PLD5: variants seen among roughly 807,000 people sequenced by gnomAD.
PLD5 encodes the protein phospholipase D family member 5, also known as inactive phospholipase D5.
A neutral mutation model predicts 61.1 loss-of-function variants in PLD5; 36 were observed. That is an observed-to-expected ratio of 0.59 (90% CI 0.45 to 0.78). PLD5 has a LOEUF of 0.78. Ranked by LOEUF, PLD5 falls within the 30% of genes least tolerant of loss-of-function variation. The probability of loss-of-function intolerance (pLI) is 0.00; values close to 1 mark genes in which losing one functional copy is unlikely to be tolerated. For missense variants in PLD5, 515 were observed against 644.4 expected (o/e 0.80, Z 2.17); for synonymous variants, 243 against 242.8 (o/e 1.00, Z -0.01).
intron 4 of PLD5, among the ~76,000 whole-genome samples, chr1:242,264,657 C>A (rs1357538234): frequency 2.0e-5 from 3 of 152,170 alleles, no homozygotes. Flanking sequence ...GCAGCTTGAA[C>A]ATTTTCACTG....
At chr1:242,204,429 GGGACAGTAA>G in intron 5 of PLD5, among the ~76,000 whole-genome samples, 1 of 152,052 alleles carries the variant, frequency 6.6e-6, no homozygotes, top group Non-Finnish European at 1.5e-5. Context: ...CCCCTTGACC[GGGACAGTAA>G]CCAAGGCGTT....
chr1:242,256,519 G>C lies in PLD5; in HGVS notation c.607+8818C>G, dbSNP rs1673024791. ...GAAAGGAACAAACTTAGATTCTTTT[G>C]TGCCCTTCTGTCTTATCCGCCACGT... On this transcript the variant is annotated intron_variant, in intron 4 of 9. Transcript: ENST00000536534. This position sits in a 1 kb window ranked among gnomAD's most constrained non-coding sequence, Gnocchi z 5.7. 6.6e-6 allele frequency among the ~76,000 whole-genome samples: 1 copy of C among 152,144 alleles called. No individual in the cohort carries two copies. Among genetic ancestry groups the C allele is most frequent in the Non-Finnish European group, 1.5e-5 (1 of 68,040 alleles).
At chr1:242,343,703 C>T (rs1286024711) in intron 2 of PLD5, among the ~76,000 whole-genome samples, 2 of 151,292 alleles carry the variant, frequency 1.3e-5, no homozygotes, top group Admixed American at 1.3e-4. Flanking sequence ...TGAGGCTGCC[C>T]TGAGGACAAG....
intron 5 of PLD5, among the ~76,000 whole-genome samples, chr1:242,161,299 C>T (rs1322398141): frequency 6.6e-6 from 1 of 152,014 alleles, no homozygotes; most frequent in Admixed American, 6.5e-5. Flanking sequence ...GGGGAACTCC[C>T]CTTTATAAAA....
chr1:242,432,833 A>T (rs1309163734), intron 1 of PLD5, among the ~76,000 whole-genome samples: 4 of 152,206 alleles, frequency 2.6e-5, no homozygotes, highest in Admixed American at 2.6e-4. Flanking sequence ...AAAAAAAGCC[A>T]AAGAGACAAA....
At chr1:242,212,189 G>A (rs1436302372) in intron 5 of PLD5, among the ~76,000 whole-genome samples, 2 of 152,112 alleles carry the variant, frequency 1.3e-5, no homozygotes, top group Admixed American at 1.3e-4. Context: ...AAATAAAAAA[G>A]GGGAAACGGA....
At chr1:242,175,148 A>C (rs550205184) in intron 5 of PLD5, among the ~76,000 whole-genome samples, 1 of 152,226 alleles carries the variant, frequency 6.6e-6, no homozygotes, top group Non-Finnish European at 1.5e-5. Flanking sequence ...GACACAGCAA[A>C]AAAAGAAAAT....
intron 1 of PLD5, among the ~76,000 whole-genome samples, chr1:242,419,148 T>A (rs1664988196): frequency 6.6e-6 from 1 of 152,292 alleles, no homozygotes; most frequent in East Asian, 1.9e-4. Flanking sequence ...GGTTAGACCC[T>A]CACGCCTCCA....
chr1:242,522,026 A>G (rs1250221827), intron 1 of PLD5, among the ~76,000 whole-genome samples: 1 of 152,196 alleles, frequency 6.6e-6, no homozygotes, highest in Non-Finnish European at 1.5e-5. Context: ...TTTAATATTA[A>G]TTCATTAAAA....
intron 2 of PLD5, among the ~76,000 whole-genome samples, chr1:242,327,716 T>C (rs561626431): frequency 6.6e-6 from 1 of 152,312 alleles, no homozygotes; most frequent in African/African-American, 2.4e-5. Flanking sequence ...TCAGTGCACT[T>C]GGAATTTTAA....
intron 6 of PLD5, among the ~76,000 whole-genome samples, chr1:242,116,067 C>CA (rs202151019): frequency 4.7e-3 from 4 of 854 alleles, no homozygotes; most frequent in Admixed American, 0.062. Context: ...TAAATAATGC[C>CA]AGGGCATTAT....
intron 1 of PLD5, among the ~76,000 whole-genome samples, chr1:242,440,367 TG>T (rs1182629870): frequency 6.6e-6 from 1 of 152,196 alleles, no homozygotes; most frequent in Non-Finnish European, 1.5e-5. Context: ...TTCTGAGTTG[TG>T]GGGTTGGAAT....
intron 5 of PLD5, among the ~76,000 whole-genome samples, chr1:242,168,874 C>CT (rs1471126805): frequency 3.6e-5 from 2 of 55,078 alleles, no homozygotes; most frequent in Non-Finnish European, 3.1e-5. Flanking sequence ...TTTACCACCC[C>CT]CCATGATTCC....
chr1:242,474,707 AC>A (rs2102953533), intron 1 of PLD5, among the ~76,000 whole-genome samples: 1 of 152,106 alleles, frequency 6.6e-6, no homozygotes, highest in South Asian at 2.1e-4. Context: ...CACTTCTGCT[AC>A]CCCTCATCTT....
chr1:242,413,088 G>A lies in PLD5; in HGVS notation c.190-64846C>T, dbSNP rs114806888. On this transcript the variant is annotated intron_variant, in intron 1 of 9. Coordinates refer to ENST00000536534, the MANE Select transcript of PLD5 (RefSeq NM_001372062.1). Reference sequence around the variant, plus strand: ...AGTGATATGAGCCTCACAAGTTCCCGAGGGCGCCTTCCGCTTACTCTGCAG... The same window carrying A: ...AGTGATATGAGCCTCACAAGTTCCCAAGGGCGCCTTCCGCTTACTCTGCAG... Among the ~76,000 whole-genome samples, 476 of 152,226 alleles carry A rather than the reference G, an allele frequency of 3.1e-3. 2 individuals carry two copies. The highest frequency in any genetic ancestry group is 0.01 in the African/African-American group (434 of 41,528).
intron 2 of PLD5, among the ~76,000 whole-genome samples, chr1:242,340,914 C>T (rs1376639123): frequency 1.3e-5 from 2 of 151,982 alleles, no homozygotes; most frequent in Non-Finnish European, 2.9e-5. Flanking sequence ...ATTACTGCAG[C>T]TTAAGAACGT....
intron 1 of PLD5, among the ~76,000 whole-genome samples, chr1:242,414,560 T>C (rs991987441): frequency 8.5e-5 from 13 of 152,164 alleles, no homozygotes; most frequent in African/African-American, 3.1e-4. Context: ...AGAGACTAAG[T>C]AGCACTGGGA....
At chr1:242,507,496 T>C (rs776410572) in intron 1 of PLD5, among the ~76,000 whole-genome samples, 1 of 152,190 alleles carries the variant, frequency 6.6e-6, no homozygotes, top group Non-Finnish European at 1.5e-5. Flanking sequence ...ATAGTGACAG[T>C]GAATAAAATG....
intron 1 of PLD5, among the ~76,000 whole-genome samples, chr1:242,362,619 T>C (rs1411049519): frequency 2.6e-5 from 4 of 152,090 alleles, no homozygotes; most frequent in African/African-American, 9.7e-5. Context: ...AGACCCAGAG[T>C]AATCTCATCT....
Sources: allele counts gnomAD v4.1 joint callset (sites outside exome capture counted in the v4.1 genomes callset), GRCh38; gene constraint gnomAD v4.1.1; non-coding constraint Gnocchi (gnomAD v3.1); transcripts MANE v1.5; gene names NCBI Gene and HGNC (gene_info 2026-07-23, HGNC 2026-07-21).